HMCN2: variants seen among roughly 807,000 people sequenced by gnomAD.
HMCN2 encodes the protein hemicentin-2.
In HMCN2, 325 loss-of-function variants were observed where a neutral mutation model predicts 377.5. The ratio of observed to expected loss-of-function variants is 0.86; its 90% CI spans 0.79 to 0.94. HMCN2 has a LOEUF of 0.94. Among genes scored for constraint, HMCN2 ranks in the 40% least tolerant of loss-of-function variants. The probability of loss-of-function intolerance (pLI) is 0.00; values close to 1 mark genes in which losing one functional copy is unlikely to be tolerated. For synonymous variants in HMCN2, 2,007 were observed against 2,046.8 expected, an observed-to-expected ratio of 0.98 and a Z score of 0.53; for missense variants, 4,543 against 4,725.3, an observed-to-expected ratio of 0.96 and a Z score of 1.13.
chr9:130,334,237 T>C lies in HMCN2; in HGVS notation c.3360-3657T>C. Among the ~76,000 whole-genome samples the C allele has an allele frequency of 3.3e-5, 5 of 151,754 alleles. 1 individual carries two copies. The East Asian group carries it at 7.8e-4, about 24-fold the overall frequency. The stretch of plus-strand genomic sequence containing the variant: ...GCCCCCATGCAGGGATGCAGGGGAG[T>C]TGGGGGTGGTCTGCGTAGGTCCACA... On this transcript the variant is annotated intron_variant, in intron 22 of 97. Transcript: ENST00000683500.
Position 130,299,288 on chromosome 9 carries a change from G to A in HMCN2, c.1276G>A (p.Gly426Ser), listed in dbSNP as rs1386136303. 1 of 452,252 alleles carries A rather than the reference G, an allele frequency of 2.2e-6. No individual in the cohort carries two copies. The highest frequency in any genetic ancestry group is 4.7e-6 in the Non-Finnish European group (1 of 214,420). The allele number at this position is 452,252 out of a possible 1,614,324, so 28.0% of individuals were successfully genotyped here. Residue 426 changes from glycine (G) to serine (S), a missense_variant and splice_region_variant, in exon 8 of 98, where the codon GGC becomes AGC. By Grantham distance (56) the Gly-to-Ser change is moderately conservative. Around this residue, in one of 5 missense-constraint regions of HMCN2, gnomAD observed 547 missense variants for 189.9 expected, o/e 2.88. Transcript: ENST00000683500. Reference protein sequence around the residue: ...SGVSYSGVAPGAPLVSMAPRI... With the variant: ...SGVSYSGVAPSAPLVSMAPRI... ...AGTGTCCTACAGTGGGGTGGCCCCA[G>A]GTGAGTGGTTGGCTCTTTTGTCTCC...
At chr9:130,309,514 C>CAAA (rs143190808) in intron 14 of HMCN2, among the ~76,000 whole-genome samples, 11 of 72,306 alleles carry the variant, frequency 1.5e-4, no homozygotes, top group African/African-American at 3.3e-4. Context: ...GACTCTGTCT[C>CAAA]AAAAAAAAAA....
At chr9:130,328,665 G>A (rs1838270325) in intron 22 of HMCN2, among the ~76,000 whole-genome samples, 1 of 152,064 alleles carries the variant, frequency 6.6e-6, no homozygotes. Flanking sequence ...CGGGGGTGGG[G>A]TTAAGTGCTC....
chr9:130,401,939 C>T (rs959717431), intron 77 of HMCN2, among the ~76,000 whole-genome samples: 16 of 151,838 alleles, frequency 1.1e-4, no homozygotes, highest in Non-Finnish European at 1.6e-4. Flanking sequence ...TAGCTGGGTG[C>T]GGTGGTGCAT....
At chr9:130,294,470 A>G (rs1299332663) in intron 4 of HMCN2, among the ~76,000 whole-genome samples, 2 of 152,188 alleles carry the variant, frequency 1.3e-5, no homozygotes, top group African/African-American at 4.8e-5. Flanking sequence ...TGGGATAATC[A>G]GTCATGAACT....
chr9:130,416,814 T>A lies in HMCN2; in HGVS notation c.12962-1958T>A, dbSNP rs187994196. 1.3e-4 allele frequency among the ~76,000 whole-genome samples: 20 copies of A among 151,876 alleles called. No individual in the cohort carries two copies. The East Asian group carries it at 3.7e-3, about 28-fold the overall frequency. On this transcript the variant is annotated intron_variant, in intron 85 of 97. Transcript: ENST00000683500. ...TCCCCAGGGCCTGTGAATGTTTCCTTACTTGGAAAAGGAATCTTTGCAAAT... is the reference window on the plus strand; with the variant it reads ...TCCCCAGGGCCTGTGAATGTTTCCTAACTTGGAAAAGGAATCTTTGCAAAT...
chr9:130,285,374 T>G, intron 3 of HMCN2, 58 bp downstream of exon 3: 2 of 461,328 alleles, frequency 4.3e-6, no homozygotes, highest in South Asian at 1.6e-5. Flanking sequence ...CCGAGGAAGC[T>G]GGGGTCTCTC....
At chr9:130,283,724 C>T (rs1835264813) in intron 1 of HMCN2, among the ~76,000 whole-genome samples, 1 of 151,964 alleles carries the variant, frequency 6.6e-6, no homozygotes, top group African/African-American at 2.4e-5. Flanking sequence ...TGGGAGGTGC[C>T]CCTGTTGTTG....
rs1372481612 is a variant in HMCN2 at position 130,351,781 on chromosome 9, C to T, written c.4585+204C>T. On this transcript the variant is annotated intron_variant, in intron 30 of 97. Coordinates refer to ENST00000683500, the MANE Select transcript of HMCN2 (RefSeq NM_001291815.2). This position sits in a 1 kb window ranked among gnomAD's most constrained non-coding sequence, Gnocchi z 5.4. ...TATCTGGCCCAGCATTTTCCAAATCCGTGGTTTCCATCCCAGCTCTAAAAA... is the reference window on the plus strand; with the variant it reads ...TATCTGGCCCAGCATTTTCCAAATCTGTGGTTTCCATCCCAGCTCTAAAAA... Among the ~76,000 whole-genome samples, 2 of 151,766 alleles carry T rather than the reference C, an allele frequency of 1.3e-5. No individual in the cohort carries two copies. Among genetic ancestry groups the T allele is most frequent in the African/African-American group, 4.8e-5 (2 of 41,298 alleles).
At chr9:130,297,437 G>A (rs986010836) in intron 7 of HMCN2, among the ~76,000 whole-genome samples, 37 of 152,274 alleles carry the variant, frequency 2.4e-4, no homozygotes, top group African/African-American at 7.7e-4. Flanking sequence ...TCTGGTGCGG[G>A]CTGCCTGAGC....
chr9:130,432,596 G>A, intron 97 of HMCN2, 41 bp downstream of exon 97: 1 of 1,541,382 alleles, frequency 6.5e-7, no homozygotes, highest in Non-Finnish European at 8.8e-7. Context: ...CTCAGGAAAA[G>A]CACATTTTTC....
chr9:130,354,258 A>G (rs890392730), intron 31 of HMCN2, among the ~76,000 whole-genome samples: 2 of 152,082 alleles, frequency 1.3e-5, no homozygotes, highest in African/African-American at 4.8e-5. Context: ...CGTGGCCACC[A>G]TGGGCTCCAA....
intron 73 of HMCN2, 128 bp downstream of exon 73, chr9:130,396,441 C>A: frequency 2.8e-6 from 2 of 721,022 alleles, no homozygotes; most frequent in South Asian, 3.5e-5. Context: ...TGTCTCAGAA[C>A]ACAAGGACAG....
intron 4 of HMCN2, among the ~76,000 whole-genome samples, chr9:130,288,760 C>CA (rs782217571): frequency 6.6e-6 from 1 of 152,192 alleles, no homozygotes; most frequent in Non-Finnish European, 1.5e-5. Context: ...TGCTTTGGAG[C>CA]ATTTCACTTT....
intron 41 of HMCN2, among the ~76,000 whole-genome samples, 158 bp from the exon 42 acceptor site, chr9:130,365,473 G>C (rs1840644122): frequency 6.6e-6 from 1 of 152,218 alleles, no homozygotes; most frequent in South Asian, 2.1e-4. Flanking sequence ...AAACTTCCCG[G>C]TGCAGCTGGT....
chr9:130,303,431 G>A lies in HMCN2; in HGVS notation c.1422-56G>A. 1 of 379,792 alleles carries A rather than the reference G, an allele frequency of 2.6e-6. No homozygotes were observed. Among genetic ancestry groups the A allele is most frequent in the South Asian group, 1.9e-5 (1 of 52,356 alleles). 23.5% of individuals were successfully genotyped at this position (379,792 alleles called of 1,614,324 possible). On this transcript the variant is annotated intron_variant, in intron 9 of 97. Coordinates refer to ENST00000683500, the MANE Select transcript of HMCN2 (RefSeq NM_001291815.2). This position sits in a 1 kb window ranked among gnomAD's most constrained non-coding sequence, Gnocchi z 5.2. ...GGATTCAGGGGACTGAAGTCGGGGG[G>A]GACCCTGAGTGGGGGTCAGTGTGAT...
At chr9:130,424,332 C>T (rs757437370) in intron 87 of HMCN2, among the ~76,000 whole-genome samples, 7 of 140,448 alleles carry the variant, frequency 5.0e-5, no homozygotes, top group Middle Eastern at 3.6e-3. Flanking sequence ...ACGCCTGCCA[C>T]GGCGCCCGGC....
chr9:130,312,539 C>CCTTT (rs1187968109), intron 15 of HMCN2, among the ~76,000 whole-genome samples: 151 of 6,586 alleles, frequency 0.023, 4 homozygotes, highest in East Asian at 0.026. Flanking sequence ...CTCCCTCCCT[C>CCTTT]CTTTCTTTCT....
At chr9:130,335,876 A>G (rs1156700625) in intron 22 of HMCN2, among the ~76,000 whole-genome samples, 1 of 152,330 alleles carries the variant, frequency 6.6e-6, no homozygotes, top group African/African-American at 2.4e-5. Context: ...TTCCGCAGCC[A>G]TTAGTATCAG....
Sources: allele counts gnomAD v4.1 joint callset (sites outside exome capture counted in the v4.1 genomes callset), GRCh38; gene constraint gnomAD v4.1.1; regional missense constraint gnomAD v4.1.1; non-coding constraint Gnocchi (gnomAD v3.1); transcripts MANE v1.5; gene names NCBI Gene and HGNC (gene_info 2026-07-23, HGNC 2026-07-21).